Variants in EPHA3 observed in about 807,000 individuals in gnomAD.
The protein encoded by EPHA3 is ephrin type-A receptor 3.
A neutral mutation model predicts 107.1 loss-of-function variants in EPHA3; 42 were observed. That is an observed-to-expected ratio of 0.39 (90% CI 0.31 to 0.51). The LOEUF (loss-of-function observed/expected upper bound fraction) is 0.51. Ranked by LOEUF, EPHA3 falls within the 20% of genes least tolerant of loss-of-function variation. The pLI is 0.78. For missense variants in EPHA3, 1,183 were observed against 1,211.2 expected (o/e 0.98, Z 0.35); for synonymous variants, 461 against 424.8 (o/e 1.09, Z -1.05).
intron 5 of EPHA3, among the ~76,000 whole-genome samples, chr3:89,364,181 A>G (rs1250722099): frequency 6.6e-6 from 1 of 150,662 alleles, no homozygotes; most frequent in Non-Finnish European, 1.5e-5. Flanking sequence ...AGTCATCCCT[A>G]TTTTCAGGAC....
At chr3:89,404,207 G>T (rs1342956085) in intron 7 of EPHA3, among the ~76,000 whole-genome samples, 4 of 152,088 alleles carry the variant, frequency 2.6e-5, no homozygotes, top group Non-Finnish European at 4.4e-5. Context: ...ATTAAATGGA[G>T]AAATTTCTAT....
chr3:89,251,535 A>G (rs1705167952), intron 3 of EPHA3, among the ~76,000 whole-genome samples: 1 of 152,086 alleles, frequency 6.6e-6, no homozygotes, highest in African/African-American at 2.4e-5. Context: ...AGTGGCTATT[A>G]ATCTAATTAA....
chr3:89,341,864 C>T lies in EPHA3; in HGVS notation c.1080C>T (p.Asn360=), dbSNP rs1559654144. 2 of 1,613,794 alleles carry T rather than the reference C, an allele frequency of 1.2e-6. No homozygotes were observed. The highest frequency in any genetic ancestry group is 1.7e-6 in the Non-Finnish European group (2 of 1,180,022). Residue 360 remains asparagine, a synonymous_variant, in exon 5 of 17, where the codon AAC becomes AAT. Transcript: ENST00000336596. ...GAGGCCGGAAAGATGTTACCTTCAA[C>T]ATCATATGTAAAAAATGTGGGTGGA... ...DTGGRKDVTF[N]IICKKCGWNI... is the part of the protein sequence containing the mutation.
chr3:89,468,962 T>G (rs943499316), intron 15 of EPHA3, among the ~76,000 whole-genome samples: 20 of 152,084 alleles, frequency 1.3e-4, no homozygotes, highest in African/African-American at 3.9e-4. Flanking sequence ...ATAAAGTCGT[T>G]TGCATATATG....
intron 3 of EPHA3, among the ~76,000 whole-genome samples, chr3:89,326,644 C>T (rs1263809584): frequency 2.0e-5 from 3 of 151,922 alleles, no homozygotes; most frequent in Non-Finnish European, 4.4e-5. Context: ...CCTGTCTCAG[C>T]CTCCTAAAGT....
chr3:89,408,503 G>C (rs1709096441), intron 9 of EPHA3, among the ~76,000 whole-genome samples: 1 of 151,906 alleles, frequency 6.6e-6, no homozygotes. Flanking sequence ...TTTCCTAACT[G>C]CCAAGTAAAT....
chr3:89,186,448 A>T (rs1019651917), intron 2 of EPHA3, among the ~76,000 whole-genome samples: 34 of 152,140 alleles, frequency 2.2e-4, no homozygotes, highest in Admixed American at 1.1e-3. Context: ...AATTCTTAAA[A>T]ATTATTTCAA....
At chr3:89,168,045 G>A (rs73146308) in intron 2 of EPHA3, among the ~76,000 whole-genome samples, 93 of 152,250 alleles carry the variant, frequency 6.1e-4, no homozygotes, top group Non-Finnish European at 1.1e-3. Flanking sequence ...GTTTGAAGTT[G>A]ACACTGGATA....
At chr3:89,328,739 C>A (rs1229889724) in intron 3 of EPHA3, among the ~76,000 whole-genome samples, 4 of 152,132 alleles carry the variant, frequency 2.6e-5, no homozygotes, top group African/African-American at 4.8e-5. Flanking sequence ...TAAGCCCTAA[C>A]CTTCTCCTCA....
intron 5 of EPHA3, among the ~76,000 whole-genome samples, chr3:89,346,850 G>C (rs375571904): frequency 0.22 from 28,821 of 131,108 alleles, 3,655 homozygotes; most frequent in African/African-American, 0.24. Flanking sequence ...AGCCAGTTTT[G>C]CCAGCACCAT....
intron 15 of EPHA3, among the ~76,000 whole-genome samples, chr3:89,460,823 C>CTTTTTTTTTTTTT (rs753656853): frequency 1.1e-3 from 116 of 102,572 alleles, no homozygotes; most frequent in Non-Finnish European, 1.5e-3. Flanking sequence ...CTCTGTCTCT[C>CTTTTTTTTTTTTT]TTTTTTTTTT....
intron 3 of EPHA3, among the ~76,000 whole-genome samples, chr3:89,338,406 G>A (rs1454213160): frequency 6.6e-6 from 1 of 152,212 alleles, no homozygotes; most frequent in African/African-American, 2.4e-5. Context: ...ACAATGAAGT[G>A]ATTGCTCAGC....
chr3:89,251,489 T>C (rs1437345900), intron 3 of EPHA3, among the ~76,000 whole-genome samples: 1 of 152,086 alleles, frequency 6.6e-6, no homozygotes, highest in Non-Finnish European at 1.5e-5. Flanking sequence ...TAGTATGTGT[T>C]AGATATGTTT....
chr3:89,370,310 T>C (rs1199768314), intron 5 of EPHA3, among the ~76,000 whole-genome samples: 1 of 151,786 alleles, frequency 6.6e-6, no homozygotes, highest in African/African-American at 2.4e-5. Context: ...ATATACACCA[T>C]GGAATACTAT....
Position 89,468,547 on chromosome 3 carries a change from T to C in EPHA3, c.2691-3917T>C, listed in dbSNP as rs568890341. On this transcript the variant is annotated intron_variant, in intron 15 of 16. Transcript: ENST00000336596. ...ACCCATAAATAAAAAAGTATTACTA[T>C]TCATGGGACTAAAACTTGACATAAG... Among the ~76,000 whole-genome samples, 4 of 152,326 alleles carry C rather than the reference T, an allele frequency of 2.6e-5. No homozygotes were observed. The East Asian group carries it at 5.8e-4, about 22-fold the overall frequency.
chr3:89,257,918 C>G (rs767501509), intron 3 of EPHA3, among the ~76,000 whole-genome samples: 2 of 152,014 alleles, frequency 1.3e-5, no homozygotes, highest in Non-Finnish European at 2.9e-5. Flanking sequence ...TGCTGAGAAA[C>G]AGAATATTCA....
intron 9 of EPHA3, among the ~76,000 whole-genome samples, chr3:89,410,303 A>G (rs1709133918): frequency 6.6e-6 from 1 of 151,990 alleles, no homozygotes; most frequent in South Asian, 2.1e-4. Context: ...AGTATTGCAT[A>G]TAGGTATCCA....
Position 89,232,452 on chromosome 3 carries a change from ATG to A in EPHA3, c.814+21934_814+21935del, listed in dbSNP as rs527311862. Among the ~76,000 whole-genome samples the A allele has an allele frequency of 9.9e-5, 15 of 152,264 alleles. No individual in the cohort carries two copies. The East Asian group carries it at 2.9e-3, about 29-fold the overall frequency. On this transcript the variant is annotated intron_variant, in intron 3 of 16. Coordinates refer to ENST00000336596, the MANE Select transcript of EPHA3 (RefSeq NM_005233.6). Reference sequence around the variant, plus strand: ...GGTGAAAGGCCTTGACAAACCAATTATGTTGGAAACAGAAAGGTGTCAGAGTC... The same window carrying A: ...GGTGAAAGGCCTTGACAAACCAATTATTGGAAACAGAAAGGTGTCAGAGTC...
rs1704400458 is a variant in EPHA3, at chr3:89,222,385, A to T, written c.814+11865A>T. On this transcript the variant is annotated intron_variant, in intron 3 of 16. Coordinates refer to ENST00000336596, the MANE Select transcript of EPHA3 (RefSeq NM_005233.6). ...TGTATATGTATATACCTATGTATAC[A>T]CACACATATATACATATATGTACAC... 2.0e-5 allele frequency among the ~76,000 whole-genome samples: 3 copies of T among 148,118 alleles called. No individual in the cohort carries two copies. In the Admixed American group the frequency reaches 2.0e-4, roughly 10 times the overall value.
Sources: gnomAD v4.1 joint callset for allele counts (sites outside exome capture counted in the v4.1 genomes callset) on GRCh38, gnomAD v4.1.1 for gene constraint, MANE v1.5 for transcripts, NCBI Gene and HGNC (gene_info 2026-07-23, HGNC 2026-07-21) for gene names.